The following SKAP1 variants were observed in gnomAD, a reference collection of about 807,000 sequenced individuals.
The protein encoded by SKAP1 is src kinase associated phosphoprotein 1.
SKAP1 carries 44 observed loss-of-function variants against 58.5 expected under a neutral mutation model. That is an observed-to-expected ratio of 0.75 (90% CI 0.59 to 0.97). SKAP1 has a LOEUF of 0.97. Ranked by LOEUF, SKAP1 falls within the 50% of genes least tolerant of loss-of-function variation. The pLI is 0.00. For synonymous variants in SKAP1, 127 were observed against 149.7 expected (o/e 0.85, Z 1.11); for missense variants, 390 against 435.2 (o/e 0.90, Z 0.92).
intron 5 of SKAP1, among the ~76,000 whole-genome samples, chr17:48,188,311 G>A (rs1486358828): frequency 6.6e-6 from 1 of 152,196 alleles, no homozygotes; most frequent in African/African-American, 2.4e-5. Flanking sequence ...TTTTGGTGCT[G>A]AGCCAATTTG....
At chr17:48,272,139 C>CTT (rs11384992) in intron 4 of SKAP1, among the ~76,000 whole-genome samples, 142 of 147,502 alleles carry the variant, frequency 9.6e-4, no homozygotes, top group East Asian at 3.2e-3. Flanking sequence ...AATTGTCTTC[C>CTT]TTTTTTTTTT....
chr17:48,424,956 A>T (rs2067840061), intron 1 of SKAP1, among the ~76,000 whole-genome samples: 2 of 148,562 alleles, frequency 1.3e-5, no homozygotes. Context: ...AAAAAGAAAA[A>T]GAAAATGAAA....
At chr17:48,260,177 A>G (rs2065469085) in intron 4 of SKAP1, among the ~76,000 whole-genome samples, 1 of 152,192 alleles carries the variant, frequency 6.6e-6, no homozygotes, top group African/African-American at 2.4e-5. Flanking sequence ...AATCTAAAAG[A>G]AATAATTAGG....
At chr17:48,150,619 C>G (rs879483545) in intron 11 of SKAP1, among the ~76,000 whole-genome samples, 1 of 152,114 alleles carries the variant, frequency 6.6e-6, no homozygotes, top group Non-Finnish European at 1.5e-5. Flanking sequence ...CCTTGCTGAA[C>G]ATAATTCTGC....
At chr17:48,304,481 A>G (rs916671117) in intron 4 of SKAP1, among the ~76,000 whole-genome samples, 6 of 152,204 alleles carry the variant, frequency 3.9e-5, no homozygotes, top group African/African-American at 1.4e-4. Context: ...AGAATTGTGT[A>G]GAAGACAGAG....
chr17:48,311,031 C>G (rs1355624914), intron 4 of SKAP1, among the ~76,000 whole-genome samples: 1 of 152,154 alleles, frequency 6.6e-6, no homozygotes, highest in Admixed American at 6.5e-5. Flanking sequence ...CCTTCGCCGC[C>G]CCCCCAGGCT....
chr17:48,363,024 C>T (rs912572128), intron 3 of SKAP1, among the ~76,000 whole-genome samples: 1 of 152,156 alleles, frequency 6.6e-6, no homozygotes, highest in Non-Finnish European at 1.5e-5. Context: ...TTCTGACATT[C>T]TCAACCAGAG....
intron 2 of SKAP1, among the ~76,000 whole-genome samples, chr17:48,372,096 T>C (rs2067094987): frequency 6.6e-6 from 1 of 151,128 alleles, no homozygotes. Context: ...CTCAGCCTCC[T>C]GAGTAGCTAG....
chr17:48,152,038 T>A (rs985796944), intron 11 of SKAP1, among the ~76,000 whole-genome samples: 1 of 152,234 alleles, frequency 6.6e-6, no homozygotes, highest in East Asian at 1.9e-4. Flanking sequence ...ATCTGAGGAT[T>A]TAACTGTATC....
rs1347182820 is a variant in SKAP1, at chr17:48,287,090, C to A, written c.280+58815G>T. Among the ~76,000 whole-genome samples, 14 of 135,446 alleles carry A rather than the reference C, an allele frequency of 1.0e-4. No individual in the cohort carries two copies. In the Admixed American group the frequency reaches 1.1e-3, roughly 11 times the overall value. The allele number at this position is 135,446 out of a possible 152,430, so 88.9% of individuals were successfully genotyped here. A position where few individuals can be genotyped will look rare whatever the true frequency, so the allele number is the denominator to read the frequency against. On this transcript the variant is annotated intron_variant, in intron 4 of 12. Transcript: ENST00000336915. ...CAGCTCTGGGCGACAGAGCAAGACT[C>A]CGTCTCAAAAATAAATAAATAAATA...
intron 4 of SKAP1, among the ~76,000 whole-genome samples, chr17:48,210,914 G>A (rs1459425423): frequency 6.6e-6 from 1 of 152,112 alleles, no homozygotes; most frequent in Non-Finnish European, 1.5e-5. Flanking sequence ...CTTACCAGAT[G>A]TATCATTAGG....
At chr17:48,179,981 A>G (rs1202585754) in intron 9 of SKAP1, 73 bp downstream of exon 9, 1 of 1,387,548 alleles carries the variant, frequency 7.2e-7, no homozygotes, top group Non-Finnish European at 9.8e-7. Context: ...GGAATTTTCA[A>G]AGTTATTATT....
At chr17:48,362,929 T>TTTGATCTA (rs1244281856) in intron 3 of SKAP1, among the ~76,000 whole-genome samples, 1 of 152,220 alleles carries the variant, frequency 6.6e-6, no homozygotes, top group Non-Finnish European at 1.5e-5. Flanking sequence ...AAGCTATTTG[T>TTTGATCTA]AAGTTTGATC....
At chr17:48,264,784 C>CACACA (rs2065525292) in intron 4 of SKAP1, among the ~76,000 whole-genome samples, 2 of 106,780 alleles carry the variant, frequency 1.9e-5, no homozygotes, top group African/African-American at 6.7e-5. Flanking sequence ...ACACACACAC[C>CACACA]CTCCATCTCC....
In SKAP1 at chr17:48,405,375, T is replaced by G. The variant is rs1411009844; in HGVS notation, c.47-8590A>C. Among the ~76,000 whole-genome samples, 10 of 151,952 alleles carry G rather than the reference T, an allele frequency of 6.6e-5. No individual in the cohort carries two copies. The East Asian group carries it at 1.5e-3, about 23-fold the overall frequency. ...TACATCCTCAAAACCCAGGGTGCAT[T>G]TTCTTTTTTTCTCTTTCCTTTCTTT... On this transcript the variant is annotated intron_variant, in intron 1 of 12. Coordinates refer to ENST00000336915, the MANE Select transcript of SKAP1 (RefSeq NM_003726.4).
intron 4 of SKAP1, among the ~76,000 whole-genome samples, chr17:48,331,634 G>C (rs781024808): frequency 6.6e-6 from 1 of 152,014 alleles, no homozygotes; most frequent in Non-Finnish European, 1.5e-5. Flanking sequence ...GGGAGGCGGA[G>C]GTTGCTGTGA....
intron 4 of SKAP1, among the ~76,000 whole-genome samples, chr17:48,204,977 C>CTTTTCTTTTCT (rs67682493): frequency 7.9e-4 from 55 of 69,398 alleles, no homozygotes; most frequent in African/African-American, 2.2e-3. Flanking sequence ...CTTTTCTTTT[C>CTTTTCTTTTCT]TTTCTTTCTT....
intron 4 of SKAP1, among the ~76,000 whole-genome samples, chr17:48,300,167 C>G (rs2066039042): frequency 6.6e-6 from 1 of 152,162 alleles, no homozygotes; most frequent in African/African-American, 2.4e-5. Flanking sequence ...AAGGAGGGCT[C>G]TGCCATTCTC....
chr17:48,323,317 A>T (rs1269028564), intron 4 of SKAP1, among the ~76,000 whole-genome samples: 1 of 152,058 alleles, frequency 6.6e-6, no homozygotes, highest in Admixed American at 6.6e-5. Flanking sequence ...GATGAGCTCC[A>T]GCATAGCTAA....
Sources: gnomAD v4.1 joint callset for allele counts (sites outside exome capture counted in the v4.1 genomes callset) on GRCh38, gnomAD v4.1.1 for gene constraint, MANE v1.5 for transcripts, NCBI Gene and HGNC (gene_info 2026-07-23, HGNC 2026-07-21) for gene names.